CCSER1: variants seen among roughly 807,000 people sequenced by gnomAD.
CCSER1 encodes the protein coiled-coil serine rich protein 1.
A neutral mutation model predicts 82.0 loss-of-function variants in CCSER1; 41 were observed. The ratio of observed to expected loss-of-function variants is 0.50; its 90% CI spans 0.39 to 0.65. CCSER1 has a LOEUF of 0.65. Ranked by LOEUF, CCSER1 falls within the 30% of genes least tolerant of loss-of-function variation. CCSER1 has a pLI of 0.00. For synonymous variants in CCSER1, 414 were observed against 383.9 expected, an observed-to-expected ratio of 1.08 and a Z score of -0.92; for missense variants, 1,119 against 1,064.2, an observed-to-expected ratio of 1.05 and a Z score of -0.72.
At chr4:90,882,902 C>T (rs919946797) in intron 8 of CCSER1, among the ~76,000 whole-genome samples, 1 of 151,860 alleles carries the variant, frequency 6.6e-6, no homozygotes, top group Non-Finnish European at 1.5e-5. Context: ...ATTTATCAAG[C>T]GCTTCATGTT....
At chr4:91,114,850 T>G (rs1726408458) in intron 10 of CCSER1, among the ~76,000 whole-genome samples, 1 of 152,218 alleles carries the variant, frequency 6.6e-6, no homozygotes, top group African/African-American at 2.4e-5. Context: ...TCTCATTAAC[T>G]GATTTAAAAT....
intron 10 of CCSER1, among the ~76,000 whole-genome samples, chr4:91,300,383 G>T (rs1440489410): frequency 3.3e-5 from 5 of 151,702 alleles, no homozygotes; most frequent in African/African-American, 1.2e-4. Flanking sequence ...TAGTGCCAAG[G>T]AAATAAAAGT....
chr4:90,457,601 A>T (rs1762354667), intron 4 of CCSER1, among the ~76,000 whole-genome samples: 1 of 152,166 alleles, frequency 6.6e-6, no homozygotes, highest in African/African-American at 2.4e-5. Context: ...CACAGTGGGT[A>T]GCTCCTCCCC....
intron 5 of CCSER1, among the ~76,000 whole-genome samples, chr4:90,616,891 C>T (rs766153917): frequency 6.6e-6 from 1 of 152,014 alleles, no homozygotes; most frequent in African/African-American, 2.4e-5. Context: ...AGAAGCTTAT[C>T]GAGGATTTCG....
chr4:91,236,036 T>TTTTCA (rs57818163), intron 10 of CCSER1, among the ~76,000 whole-genome samples: 102,646 of 151,304 alleles, frequency 0.68, 35,669 homozygotes, highest in East Asian at 0.93. Context: ...AATTTTTTAT[T>TTTTCA]AAAATCATAT....
At chr4:90,485,880 T>C (rs1400176742) in intron 5 of CCSER1, among the ~76,000 whole-genome samples, 2 of 152,146 alleles carry the variant, frequency 1.3e-5, no homozygotes, top group Non-Finnish European at 2.9e-5. Context: ...ACATGATGTT[T>C]TTATTTTTTG....
intron 3 of CCSER1, among the ~76,000 whole-genome samples, chr4:90,397,254 A>C (rs1269112465): frequency 1.3e-5 from 2 of 152,200 alleles, no homozygotes; most frequent in African/African-American, 4.8e-5. Flanking sequence ...TTACCTGCAA[A>C]AGGAAAATAA....
chr4:90,286,120 G>A (rs1369975482), intron 1 of CCSER1, among the ~76,000 whole-genome samples: 1 of 151,982 alleles, frequency 6.6e-6, no homozygotes, highest in East Asian at 1.9e-4. Context: ...TCATTGTCTG[G>A]TTTTGGTATT....
At chr4:90,399,908 T>A (rs1409139693) in intron 3 of CCSER1, 128 bp from the exon 4 acceptor site, 1 of 511,860 alleles carries the variant, frequency 2.0e-6, no homozygotes, top group African/African-American at 1.9e-5. Flanking sequence ...TCAAATGATT[T>A]CTGAGACTCA....
intron 9 of CCSER1, among the ~76,000 whole-genome samples, chr4:91,069,848 T>A (rs1438059304): frequency 1.3e-5 from 2 of 152,148 alleles, no homozygotes; most frequent in Admixed American, 1.3e-4. Context: ...ACAGAATCTC[T>A]TGAGTAGAAA....
chr4:91,365,745 A>T (rs1467828842), intron 10 of CCSER1, among the ~76,000 whole-genome samples: 3 of 152,170 alleles, frequency 2.0e-5, no homozygotes, highest in Non-Finnish European at 4.4e-5. Flanking sequence ...TGTGACAGGG[A>T]TGAAGTGGCG....
intron 6 of CCSER1, among the ~76,000 whole-genome samples, chr4:90,719,420 G>A (rs976587298): frequency 6.6e-6 from 1 of 152,090 alleles, no homozygotes; most frequent in Admixed American, 6.6e-5. Context: ...AGTAATAATA[G>A]AAATAACGTG....
intron 10 of CCSER1, among the ~76,000 whole-genome samples, chr4:91,095,919 G>A (rs965226899): frequency 6.6e-6 from 1 of 152,150 alleles, no homozygotes; most frequent in Non-Finnish European, 1.5e-5. Flanking sequence ...TAGCCATTTA[G>A]TTGCCACCTG....
intron 7 of CCSER1, among the ~76,000 whole-genome samples, chr4:90,766,518 C>T (rs754663862): frequency 1.4e-4 from 22 of 151,964 alleles, no homozygotes; most frequent in Non-Finnish European, 1.2e-4. Context: ...TGAATGTGGA[C>T]CTATAGTCTC....
intron 4 of CCSER1, among the ~76,000 whole-genome samples, chr4:90,454,370 A>G (rs192000680): frequency 6.6e-6 from 1 of 152,052 alleles, no homozygotes; most frequent in East Asian, 1.9e-4. Flanking sequence ...CTGCCCGAGT[A>G]ATAAACTTAT....
chr4:91,579,719 G>A (rs1372905035), intron 10 of CCSER1, among the ~76,000 whole-genome samples: 1 of 151,726 alleles, frequency 6.6e-6, no homozygotes, highest in African/African-American at 2.4e-5. Flanking sequence ...TTTCTGCAAT[G>A]ACTAATACCA....
At chr4:91,544,887 C>T (rs1339102508) in intron 10 of CCSER1, among the ~76,000 whole-genome samples, 2 of 152,170 alleles carry the variant, frequency 1.3e-5, no homozygotes, top group African/African-American at 4.8e-5. Context: ...TTTATTTCAG[C>T]TATGCCCTGT....
intron 10 of CCSER1, among the ~76,000 whole-genome samples, chr4:91,173,944 A>G (rs1733037188): frequency 6.6e-6 from 1 of 152,228 alleles, no homozygotes. Flanking sequence ...ATTTTCCAAT[A>G]GTCTTAAAAA....
At chr4:90,960,937 GAA>G (rs1733993098) in intron 9 of CCSER1, among the ~76,000 whole-genome samples, 1 of 152,122 alleles carries the variant, frequency 6.6e-6, no homozygotes, top group Non-Finnish European at 1.5e-5. Context: ...ATAAAGGATA[GAA>G]AAGTGAAGTA....
Sources: allele counts gnomAD v4.1 joint callset (sites outside exome capture counted in the v4.1 genomes callset), GRCh38; gene constraint gnomAD v4.1.1; transcripts MANE v1.5; gene names NCBI Gene and HGNC (gene_info 2026-07-23, HGNC 2026-07-21).